Variants in DACH2 observed in about 807,000 individuals in gnomAD.
DACH2 encodes dachshund family transcription factor 2.
A neutral mutation model predicts 35.8 loss-of-function variants in DACH2; 17 were observed. The observed-to-expected ratio is 0.48, with a 90% CI of 0.33 to 0.71. The LOEUF is 0.71. DACH2 is among the 30% of genes least tolerant of loss of function. The pLI is 0.02. For missense variants in DACH2, 469 were observed against 472.7 expected (o/e 0.99, Z 0.07); for synonymous variants, 195 against 177.3 (o/e 1.10, Z -0.79).
At chrX:86,483,844 A>G (rs765371106) in intron 2 of DACH2, among the ~76,000 whole-genome samples, 1 of 110,012 alleles carries the variant, frequency 9.1e-6, no homozygotes, top group Non-Finnish European at 1.9e-5. Context: ...AAAAAAATGC[A>G]GTCAGGAAAA....
At chrX:86,567,702 T>C (rs747588982) in intron 3 of DACH2, among the ~76,000 whole-genome samples, 2 of 111,634 alleles carry the variant, frequency 1.8e-5, no homozygotes, top group East Asian at 5.7e-4. Context: ...CTGTTTGAAA[T>C]GTTCACAGTA....
At position 86,815,011 on chromosome X, in the gene DACH2, T is replaced by C. The variant is rs192673285; in HGVS notation, c.1684+177T>C. 2.7e-3 allele frequency among the ~76,000 whole-genome samples: 307 copies of C among 111,960 alleles called. 1 individual carries two copies. The highest frequency in any genetic ancestry group is 9.5e-3 in the African/African-American group (292 of 30,867). ...TCAATTTGAGGCCAAGTGTTTTAGATCATGAATTAAATCCAGTCAAAATAA... is the reference window on the plus strand; with the variant it reads ...TCAATTTGAGGCCAAGTGTTTTAGACCATGAATTAAATCCAGTCAAAATAA... On this transcript the variant is annotated intron_variant, in intron 10 of 11. Coordinates refer to ENST00000373125, the MANE Select transcript of DACH2 (RefSeq NM_053281.3).
intron 2 of DACH2, among the ~76,000 whole-genome samples, chrX:86,492,051 T>C (rs990817867): frequency 1.8e-5 from 2 of 112,042 alleles, no homozygotes; most frequent in African/African-American, 6.5e-5. Flanking sequence ...TTATATAAGT[T>C]TGACTATTTT....
intron 7 of DACH2, among the ~76,000 whole-genome samples, chrX:86,748,972 A>G (rs2041742987): frequency 8.9e-6 from 1 of 111,962 alleles, no homozygotes; most frequent in African/African-American, 3.2e-5. Flanking sequence ...TTTTATGTTA[A>G]GGAGATTGTT....
intron 7 of DACH2, among the ~76,000 whole-genome samples, chrX:86,756,482 T>A (rs867456492): frequency 4.2e-4 from 46 of 109,939 alleles, no homozygotes; most frequent in African/African-American, 1.5e-3. Flanking sequence ...GGTTTTTTTT[T>A]TTTTTTATTT....
At chrX:86,606,767 G>A (rs2039864205) in intron 3 of DACH2, among the ~76,000 whole-genome samples, 1 of 111,742 alleles carries the variant, frequency 8.9e-6, no homozygotes, top group Non-Finnish European at 1.9e-5. Flanking sequence ...CTGTCTGAAA[G>A]ATCTGTCCAA....
intron 11 of DACH2, among the ~76,000 whole-genome samples, chrX:86,820,198 C>T (rs1198268735): frequency 9.0e-6 from 1 of 111,555 alleles, no homozygotes; most frequent in Non-Finnish European, 1.9e-5. Context: ...AAAAATAAAC[C>T]ACAAAATGAG....
rs537632672 is a variant in DACH2 at position 86,563,303 on chromosome X, T to A, written c.640+48912T>A. Among the ~76,000 whole-genome samples the A allele has an allele frequency of 9.1e-5, 10 of 109,787 alleles. No homozygotes were observed. In the South Asian group the frequency reaches 3.5e-3, roughly 38 times the overall value. ...TACAGTTATAGCACCAATGAAGACATATCACAGTTATTTTTGGATTTCAAG... is the reference window on the plus strand; with the variant it reads ...TACAGTTATAGCACCAATGAAGACAAATCACAGTTATTTTTGGATTTCAAG... On this transcript the variant is annotated intron_variant, in intron 3 of 11. Transcript: ENST00000373125.
intron 1 of DACH2, among the ~76,000 whole-genome samples, chrX:86,324,527 T>C (rs963403280): frequency 9.3e-6 from 1 of 107,894 alleles, no homozygotes; most frequent in Non-Finnish European, 1.9e-5. Context: ...TACAGAGAAA[T>C]ATTTTGTGAA....
At chrX:86,656,424 G>C (rs765054334) in intron 4 of DACH2, among the ~76,000 whole-genome samples, 5 of 110,945 alleles carry the variant, frequency 4.5e-5, no homozygotes, top group Non-Finnish European at 7.6e-5. Context: ...CAGCTAGGTA[G>C]TGAGAGATCT....
At chrX:86,768,561 A>G (rs752821756) in intron 7 of DACH2, among the ~76,000 whole-genome samples, 1 of 111,837 alleles carries the variant, frequency 8.9e-6, no homozygotes, top group South Asian at 3.7e-4. Flanking sequence ...ACTTATTATC[A>G]TTGTAATGGT....
intron 2 of DACH2, among the ~76,000 whole-genome samples, chrX:86,428,449 C>T (rs765613000): frequency 8.9e-6 from 1 of 111,785 alleles, no homozygotes; most frequent in Non-Finnish European, 1.9e-5. Flanking sequence ...ACAAAAGCCA[C>T]CATGCTAATG....
chrX:86,450,426 T>C (rs2037353475), intron 2 of DACH2, among the ~76,000 whole-genome samples: 1 of 111,829 alleles, frequency 8.9e-6, no homozygotes, highest in South Asian at 3.7e-4. Context: ...GGCTACATAG[T>C]ATTCCATGGT....
intron 1 of DACH2, among the ~76,000 whole-genome samples, chrX:86,337,990 T>C (rs75688028): frequency 1.8e-5 from 2 of 111,753 alleles, no homozygotes; most frequent in South Asian, 3.7e-4. Context: ...ACATAATGGT[T>C]AAGGGATTAA....
intron 3 of DACH2, among the ~76,000 whole-genome samples, chrX:86,548,398 A>C (rs190911543): frequency 7.4e-4 from 83 of 112,240 alleles, no homozygotes; most frequent in Non-Finnish European, 6.8e-4. Flanking sequence ...TTCTTAATAG[A>C]ATTACAGACA....
intron 1 of DACH2, among the ~76,000 whole-genome samples, chrX:86,341,657 G>T (rs1050875699): frequency 8.9e-6 from 1 of 111,966 alleles, no homozygotes; most frequent in East Asian, 2.8e-4. Flanking sequence ...GATGGATCTG[G>T]AAAAAGCCCA....
intron 1 of DACH2, among the ~76,000 whole-genome samples, chrX:86,188,999 T>C (rs910289700): frequency 1.8e-5 from 2 of 112,225 alleles, no homozygotes; most frequent in African/African-American, 6.5e-5. Context: ...CATTTATTCA[T>C]TGAAGATCTT....
chrX:86,523,756 C>A (rs892923558), intron 3 of DACH2, among the ~76,000 whole-genome samples: 10 of 109,700 alleles, frequency 9.1e-5, no homozygotes, highest in Non-Finnish European at 1.9e-4. Flanking sequence ...TGGGGTCAGG[C>A]TGAAAAAAAT....
At chrX:86,234,193 G>T (rs753227533) in intron 1 of DACH2, among the ~76,000 whole-genome samples, 1 of 111,995 alleles carries the variant, frequency 8.9e-6, no homozygotes, top group South Asian at 3.8e-4. Context: ...GGCACACATT[G>T]CCCCCTTTGA....
Sources: allele counts gnomAD v4.1 joint callset (sites outside exome capture counted in the v4.1 genomes callset), GRCh38; gene constraint gnomAD v4.1.1; transcripts MANE v1.5; gene names NCBI Gene and HGNC (gene_info 2026-07-23, HGNC 2026-07-21).